RAB39A: variants seen among roughly 807,000 people sequenced by gnomAD.
The protein encoded by RAB39A is RAB39A, member RAS oncogene family, also known as ras-related protein Rab-39A.
RAB39A carries 17 observed loss-of-function variants against 20.9 expected under a neutral mutation model. The ratio of observed to expected loss-of-function variants is 0.81; its 90% CI spans 0.56 to 1.22. RAB39A has a LOEUF of 1.22. Among genes scored for constraint, RAB39A ranks in the 50% most tolerant of loss-of-function variants. RAB39A has a pLI of 0.00. For synonymous variants in RAB39A, 99 were observed against 103.4 expected, an observed-to-expected ratio of 0.96 and a Z score of 0.26; for missense variants, 234 against 270.5, an observed-to-expected ratio of 0.87 and a Z score of 0.95.
At chr11:107,936,078 T>G (rs1347186032) in intron 1 of RAB39A, among the ~76,000 whole-genome samples, 1 of 151,942 alleles carries the variant, frequency 6.6e-6, no homozygotes, top group African/African-American at 2.4e-5. Context: ...TTTTGTATTT[T>G]TAGTAGAGAC....
At chr11:107,939,243 C>CA (rs138488479) in intron 1 of RAB39A, among the ~76,000 whole-genome samples, 15,892 of 68,328 alleles carry the variant, frequency 0.23, 1,770 homozygotes, top group African/African-American at 0.26. Flanking sequence ...GACTCTGTCT[C>CA]AAAAAAAAAA....
chr11:107,936,286 T>C (rs1317395804), intron 1 of RAB39A, among the ~76,000 whole-genome samples: 1 of 152,144 alleles, frequency 6.6e-6, no homozygotes, highest in Non-Finnish European at 1.5e-5. Context: ...TTTTATTTTT[T>C]CTTTACCCCT....
intron 1 of RAB39A, among the ~76,000 whole-genome samples, chr11:107,945,911 T>C (rs1466155527): frequency 6.6e-6 from 1 of 152,184 alleles, no homozygotes; most frequent in Non-Finnish European, 1.5e-5. Context: ...ATGCTAAAAC[T>C]GTCTAGCCCC....
intron 1 of RAB39A, among the ~76,000 whole-genome samples, chr11:107,946,840 C>T (rs543320585): frequency 2.0e-5 from 3 of 151,728 alleles, no homozygotes; most frequent in Non-Finnish European, 2.9e-5. Context: ...TTAATCCTAG[C>T]ACTTTGGGAG....
intron 1 of RAB39A, among the ~76,000 whole-genome samples, chr11:107,939,402 C>T (rs952119128): frequency 5.3e-5 from 8 of 149,748 alleles, no homozygotes; most frequent in African/African-American, 1.7e-4. Context: ...GTCAGGAGAT[C>T]GAGACCATCC....
At chr11:107,939,472 G>A (rs369167324) in intron 1 of RAB39A, among the ~76,000 whole-genome samples, 22 of 150,674 alleles carry the variant, frequency 1.5e-4, no homozygotes, top group South Asian at 6.3e-4. Flanking sequence ...AAAATTAGCC[G>A]GGCATGGTGG....
At position 107,946,331 on chromosome 11, in the gene RAB39A, C is replaced by T. The variant is rs1331652284; in HGVS notation, c.228-15615C>T. ...TACTATATATATATATATATACACACACACACACACACATATATATACACA... is the reference window on the plus strand; with the variant it reads ...TACTATATATATATATATATACACATACACACACACACATATATATACACA... On this transcript the variant is annotated intron_variant, in intron 1 of 1. Transcript: ENST00000320578. Among the ~76,000 whole-genome samples the T allele has an allele frequency of 4.6e-5, 6 of 130,698 alleles. 1 individual carries two copies. Among genetic ancestry groups the T allele is most frequent in the African/African-American group, 1.6e-4 (5 of 31,454 alleles). 85.7% of individuals were successfully genotyped at this position (130,698 alleles called of 152,430 possible).
intron 1 of RAB39A, among the ~76,000 whole-genome samples, chr11:107,938,027 C>G (rs1861213648): frequency 6.6e-6 from 1 of 151,910 alleles, no homozygotes; most frequent in Non-Finnish European, 1.5e-5. Flanking sequence ...GCAGTCACCC[C>G]CAAAGTGTCT....
intron 1 of RAB39A, among the ~76,000 whole-genome samples, chr11:107,957,328 C>A (rs1164350120): frequency 6.6e-6 from 1 of 150,934 alleles, no homozygotes; most frequent in Non-Finnish European, 1.5e-5. Context: ...CTCAAAGGAG[C>A]AGGAGATTTT....
chr11:107,954,376 T>A (rs535837318), intron 1 of RAB39A, among the ~76,000 whole-genome samples: 2 of 152,308 alleles, frequency 1.3e-5, no homozygotes, highest in Non-Finnish European at 2.9e-5. Context: ...TCACATAAGA[T>A]ACAAGAATGC....
intron 1 of RAB39A, among the ~76,000 whole-genome samples, chr11:107,938,286 G>C (rs1861218483): frequency 2.0e-5 from 3 of 149,552 alleles, no homozygotes; most frequent in East Asian, 3.9e-4. Context: ...CTTGAACCCA[G>C]GAAGAGGAGG....
chr11:107,962,218 C>A lies in RAB39A; in HGVS notation c.500C>A (p.Ser167Tyr). 1 of 1,613,984 alleles carries A rather than the reference C, an allele frequency of 6.2e-7. No individual in the cohort carries two copies. Among genetic ancestry groups the A allele is most frequent in the Non-Finnish European group, 8.5e-7 (1 of 1,179,976 alleles). The stretch of plus-strand genomic sequence containing the variant: ...AAGGATGCTACAAATGTTGAAGAAT[C>A]CTTCACAATCTTGACGAGAGACATA... ...SAKDATNVEE[S>Y]FTILTRDIYE... The change falls in exon 2 of 2, where the codon TCC (serine) becomes TAC (tyrosine). Residue 167 changes from serine (S) to tyrosine (Y), a missense_variant. Physicochemically the swap from Ser to Tyr is moderately radical, Grantham distance 144 (BLOSUM62 -2). Transcript: ENST00000320578.
chr11:107,959,200 A>G (rs1480947898), intron 1 of RAB39A, among the ~76,000 whole-genome samples: 2 of 152,202 alleles, frequency 1.3e-5, no homozygotes, highest in Non-Finnish European at 1.5e-5. Flanking sequence ...TAAGCATTTC[A>G]GCATTGAGTT....
At position 107,961,954 on chromosome 11, in the gene RAB39A, C is replaced by A. The variant is rs1197824965; in HGVS notation, c.236C>A (p.Thr79Asn). 1.9e-6 allele frequency: 3 copies of A among 1,608,318 alleles called. No homozygotes were observed. The highest frequency in any genetic ancestry group is 2.6e-6 in the Non-Finnish European group (3 of 1,175,934). ...TTCTCTTCATTTTTCAGATCAATAA[C>A]CCGATCTTATTACCGCAACTCAGTT... ...TAGQERFRSI[T>N]RSYYRNSVGG... The change falls in exon 2 of 2, where the codon ACC (threonine) becomes AAC (asparagine). Residue 79 changes from threonine to asparagine, a missense_variant. Physicochemically the swap from Thr to Asn is moderately conservative, Grantham distance 65. Coordinates refer to ENST00000320578, the MANE Select transcript of RAB39A (RefSeq NM_017516.3).
intron 1 of RAB39A, among the ~76,000 whole-genome samples, chr11:107,946,436 G>GTGTGTGTGTATA (rs1315934948): frequency 6.6e-5 from 2 of 30,478 alleles, no homozygotes; most frequent in African/African-American, 1.2e-4. Context: ...GTGTGTGTGT[G>GTGTGTGTGTATA]TATATATATA....
intron 1 of RAB39A, among the ~76,000 whole-genome samples, chr11:107,951,705 G>C (rs889886455): frequency 3.0e-5 from 4 of 135,238 alleles, no homozygotes; most frequent in Non-Finnish European, 6.1e-5. Context: ...CTGCAGCCTT[G>C]GACTCCTGAG....
intron 1 of RAB39A, among the ~76,000 whole-genome samples, chr11:107,949,424 C>T (rs1319724521): frequency 6.6e-6 from 1 of 151,876 alleles, no homozygotes; most frequent in Admixed American, 6.6e-5. Context: ...TTACAAATTC[C>T]AGGATGTGGA....
chr11:107,935,636 A>G (rs1372757573), intron 1 of RAB39A, among the ~76,000 whole-genome samples: 1 of 152,124 alleles, frequency 6.6e-6, no homozygotes, highest in African/African-American at 2.4e-5. Flanking sequence ...TCGGCCTCCC[A>G]AAGTGCTGGG....
chr11:107,947,164 T>G (rs537995197), intron 1 of RAB39A, among the ~76,000 whole-genome samples: 1 of 151,862 alleles, frequency 6.6e-6, no homozygotes, highest in African/African-American at 2.4e-5. Flanking sequence ...TGCAGTGGCG[T>G]GATCTCGGCT....
Sources: allele counts gnomAD v4.1 joint callset (sites outside exome capture counted in the v4.1 genomes callset), GRCh38; gene constraint gnomAD v4.1.1; transcripts MANE v1.5; gene names NCBI Gene and HGNC (gene_info 2026-07-23, HGNC 2026-07-21).